Variants in IGSF11 observed in about 807,000 individuals in gnomAD.
IGSF11 encodes CXADR like 1.
IGSF11 carries 22 observed loss-of-function variants against 41.0 expected under a neutral mutation model. The observed-to-expected ratio is 0.54, with a 90% confidence interval of 0.38 to 0.77. IGSF11 has a LOEUF of 0.77. IGSF11 is among the 30% of genes least tolerant of loss of function. The probability of loss-of-function intolerance (pLI) is 0.00; values close to 1 mark genes in which losing one functional copy is unlikely to be tolerated. For synonymous variants in IGSF11, 219 were observed against 201.3 expected (o/e 1.09, Z -0.74); for missense variants, 444 against 530.8 (o/e 0.84, Z 1.61).
upstream of IGSF11, among the ~76,000 whole-genome samples, chr3:119,109,661 A>G (rs2077108108): frequency 2.0e-5 from 3 of 152,002 alleles, no homozygotes; most frequent in South Asian, 6.2e-4. Flanking sequence ...TTGCTTGTCT[A>G]GTTCTTTTAA....
chr3:118,920,409 A>T (rs1301250295), intron 4 of IGSF11, among the ~76,000 whole-genome samples: 10 of 152,082 alleles, frequency 6.6e-5, no homozygotes, highest in Non-Finnish European at 1.5e-4. Flanking sequence ...CATACCCATA[A>T]TCAATGATTT....
chr3:119,092,130 G>A (rs2033344697), intron 1 of IGSF11, among the ~76,000 whole-genome samples: 1 of 151,878 alleles, frequency 6.6e-6, no homozygotes, highest in Admixed American at 6.6e-5. Context: ...TCATGCCTCA[G>A]ACTCCTAAGT....
intron 1 of IGSF11, among the ~76,000 whole-genome samples, chr3:118,955,113 T>C (rs1413005461): frequency 6.6e-6 from 1 of 152,148 alleles, no homozygotes; most frequent in East Asian, 1.9e-4. Flanking sequence ...CACATGCATG[T>C]TTATAGCAGC....
chr3:119,045,349 G>A (rs1225392319), intron 1 of IGSF11, among the ~76,000 whole-genome samples: 1 of 152,214 alleles, frequency 6.6e-6, no homozygotes, highest in African/African-American at 2.4e-5. Flanking sequence ...AAGGGGTCAG[G>A]GAGTTCCCTT....
At chr3:119,091,524 A>G (rs1247081791) in intron 1 of IGSF11, among the ~76,000 whole-genome samples, 1 of 152,270 alleles carries the variant, frequency 6.6e-6, no homozygotes, top group Non-Finnish European at 1.5e-5. Flanking sequence ...CCACACAGCC[A>G]TAAAAAAGAA....
chr3:119,046,108 C>G (rs1700178999), intron 1 of IGSF11, among the ~76,000 whole-genome samples: 1 of 151,330 alleles, frequency 6.6e-6, no homozygotes, highest in African/African-American at 2.4e-5. Context: ...CAAAGGAACG[C>G]AGCTCCTCAC....
At chr3:119,083,485 AAC>A (rs2076617879) in intron 1 of IGSF11, among the ~76,000 whole-genome samples, 1 of 148,680 alleles carries the variant, frequency 6.7e-6, no homozygotes, top group East Asian at 2.0e-4. Flanking sequence ...CTATAGAACA[AAC>A]ACTCTTACCA....
intron 1 of IGSF11, among the ~76,000 whole-genome samples, chr3:119,043,737 T>C (rs964076024): frequency 3.9e-5 from 6 of 152,146 alleles, no homozygotes; most frequent in Non-Finnish European, 8.8e-5. Flanking sequence ...CATAGGACTT[T>C]TTGCAGGCAT....
chr3:119,094,069 T>C (rs1035644721), intron 1 of IGSF11, among the ~76,000 whole-genome samples: 1 of 151,322 alleles, frequency 6.6e-6, no homozygotes, highest in African/African-American at 2.4e-5. Flanking sequence ...AGGTATAACA[T>C]GTAGCAGGAA....
At chr3:119,111,576 C>T (rs1576814265) in intron 1 of IGSF11, among the ~76,000 whole-genome samples, 1 of 152,182 alleles carries the variant, frequency 6.6e-6, no homozygotes, top group African/African-American at 2.4e-5. Context: ...CATCTGAAGC[C>T]TTCTTCTCTC....
intron 1 of IGSF11, among the ~76,000 whole-genome samples, chr3:119,110,589 C>T (rs1044007240): frequency 6.6e-6 from 1 of 152,164 alleles, no homozygotes; most frequent in Non-Finnish European, 1.5e-5. Flanking sequence ...AGTCCATTTA[C>T]ATTTAAAGTT....
rs1412796698 is a variant in IGSF11, at chr3:119,031,902, TTTC to T, written c.52+2626_52+2628del. Reference sequence around the variant, plus strand: ...TCATTGCATTTTATGTGGTCATTTCTTTCTTTTTATACATTTTCTCAAATTCTG... The same window carrying T: ...TCATTGCATTTTATGTGGTCATTTCTTTTTTATACATTTTCTCAAATTCTG... On this transcript the variant is annotated intron_variant, in intron 1 of 6. Transcript: ENST00000393775. Among the ~76,000 whole-genome samples, 5 of 152,338 alleles carry T rather than the reference TTTC, an allele frequency of 3.3e-5. 1 individual carries two copies. Among genetic ancestry groups the T allele is most frequent in the East Asian group, 1.9e-4 (1 of 5,192 alleles).
chr3:119,079,002 A>G (rs2076546701), intron 1 of IGSF11, among the ~76,000 whole-genome samples: 1 of 152,188 alleles, frequency 6.6e-6, no homozygotes, highest in South Asian at 2.1e-4. Context: ...TCATTAAAGA[A>G]ATGCAAATCA....
chr3:118,953,824 G>A (rs1559953269), intron 1 of IGSF11, among the ~76,000 whole-genome samples: 1 of 152,152 alleles, frequency 6.6e-6, no homozygotes, highest in African/African-American at 2.4e-5. Flanking sequence ...TGTACAGACT[G>A]TGAAGATTTT....
At chr3:119,130,183 T>C (rs144024635) in intron 1 of IGSF11, among the ~76,000 whole-genome samples, 1,743 of 152,244 alleles carry the variant, frequency 0.011, 14 homozygotes, top group Non-Finnish European at 0.018. Context: ...CTGAGATACC[T>C]GGTTCGTCTC....
intron 1 of IGSF11, among the ~76,000 whole-genome samples, chr3:119,115,364 C>A (rs1452055150): frequency 6.6e-6 from 1 of 152,188 alleles, no homozygotes; most frequent in African/African-American, 2.4e-5. Flanking sequence ...ACAGTCCCAC[C>A]AACAGGGTAC....
intron 1 of IGSF11, among the ~76,000 whole-genome samples, chr3:119,125,277 T>C (rs138390815): frequency 1.3e-5 from 2 of 152,326 alleles, no homozygotes; most frequent in East Asian, 1.9e-4. Context: ...GCTCCTGTTA[T>C]GCGCGTTCGT....
intron 1 of IGSF11, among the ~76,000 whole-genome samples, chr3:119,004,731 A>G (rs1673559741): frequency 6.7e-6 from 1 of 148,404 alleles, no homozygotes; most frequent in South Asian, 2.2e-4. Context: ...CCCAGTAGTC[A>G]TTCAGGAGCA....
intron 4 of IGSF11, among the ~76,000 whole-genome samples, chr3:118,922,993 C>G (rs1455426297): frequency 5.3e-5 from 8 of 152,098 alleles, no homozygotes; most frequent in Non-Finnish European, 1.5e-5. Flanking sequence ...TCCAGACCCT[C>G]CTAGAAACAG....
Sources: gnomAD v4.1 joint callset for allele counts (sites outside exome capture counted in the v4.1 genomes callset) on GRCh38, gnomAD v4.1.1 for gene constraint, MANE v1.5 for transcripts, NCBI Gene and HGNC (gene_info 2026-07-23, HGNC 2026-07-21) for gene names.